WWC1: variants seen among roughly 807,000 people sequenced by gnomAD.
The protein encoded by WWC1 is protein KIBRA.
WWC1 carries 55 observed loss-of-function variants against 138.4 expected under a neutral mutation model. The ratio of observed to expected loss-of-function variants is 0.40; its 90% CI spans 0.32 to 0.50. The LOEUF is 0.50. Among genes scored for constraint, WWC1 ranks in the 20% least tolerant of loss-of-function variants. The probability of loss-of-function intolerance (pLI) is 0.72; values close to 1 mark genes in which losing one functional copy is unlikely to be tolerated. For synonymous variants in WWC1, 524 were observed against 564.9 expected (o/e 0.93, Z 1.03); for missense variants, 1,226 against 1,420.4 (o/e 0.86, Z 2.20).
chr5:168,417,785 C>T (rs957334740), intron 9 of WWC1, among the ~76,000 whole-genome samples: 4 of 152,154 alleles, frequency 2.6e-5, no homozygotes, highest in Non-Finnish European at 5.9e-5. Flanking sequence ...GGTAGGGAAA[C>T]TGGAGGGCAT....
intron 2 of WWC1, 145 bp downstream of exon 2, chr5:168,371,678 C>T (rs1776760937): frequency 8.9e-6 from 5 of 564,504 alleles, no homozygotes; most frequent in South Asian, 4.7e-5. Flanking sequence ...ATAGAAATGT[C>T]GATGTAGATA....
intron 1 of WWC1, among the ~76,000 whole-genome samples, chr5:168,314,978 C>T (rs954057238): frequency 2.0e-5 from 3 of 152,150 alleles, no homozygotes; most frequent in African/African-American, 7.2e-5. Context: ...AACACTCCCC[C>T]GCCCGTCTCA....
intron 2 of WWC1, among the ~76,000 whole-genome samples, chr5:168,377,252 T>TA (rs1228537101): frequency 6.6e-6 from 1 of 152,190 alleles, no homozygotes; most frequent in Non-Finnish European, 1.5e-5. Context: ...ACTGGACCCC[T>TA]ACCTTTTACC....
intron 1 of WWC1, among the ~76,000 whole-genome samples, chr5:168,351,826 C>T (rs1360006246): frequency 6.6e-6 from 1 of 152,170 alleles, no homozygotes; most frequent in Non-Finnish European, 1.5e-5. Context: ...CTTGTTTATC[C>T]TTGGATCCTA....
chr5:168,423,553 C>A lies in WWC1; in HGVS notation c.1295C>A (p.Ser432Tyr). ...CCCAGTCTCTCAAGCAGCATGCAGT[C>A]CCTGTCCTCAGGCAGCAGCCCCGGA... Reference protein sequence around the residue: ...QLKSLSSSMQSLSSGSSPGSL... With the variant: ...QLKSLSSSMQYLSSGSSPGSL... The change falls in exon 11 of 23, where the codon TCC becomes TAC. Residue 432 changes from serine (S) to tyrosine (Y), a missense_variant. Transcript: ENST00000265293. 1 of 1,612,856 alleles carries A rather than the reference C, an allele frequency of 6.2e-7. No individual in the cohort carries two copies. Among genetic ancestry groups the A allele is most frequent in the South Asian group, 1.1e-5 (1 of 90,850 alleles).
rs73805108 is a variant in WWC1, at chr5:168,381,088, T to C, written c.230-4123T>C. ...GTGGAAATCTCTCGGGTGATTCCAG[T>C]GTGCAACCAGTTTGAGAACCAGTTC... On this transcript the variant is annotated intron_variant, in intron 2 of 22. Transcript: ENST00000265293. 3.0e-3 allele frequency among the ~76,000 whole-genome samples: 456 copies of C among 152,256 alleles called. 5 individuals are homozygous for C. The highest frequency in any genetic ancestry group is 0.01 in the African/African-American group (429 of 41,550).
chr5:168,427,548 A>ATTTTTTT (rs34177139), intron 11 of WWC1, among the ~76,000 whole-genome samples: 166 of 101,082 alleles, frequency 1.6e-3, no homozygotes, highest in Non-Finnish European at 2.0e-3. Flanking sequence ...CTTTTTTTTA[A>ATTTTTTT]TTTTTTTTTT....
intron 15 of WWC1, 119 bp downstream of exon 15, chr5:168,431,563 A>G: frequency 8.9e-7 from 1 of 1,128,274 alleles, no homozygotes; most frequent in Middle Eastern, 2.9e-4. Flanking sequence ...GAAGGTTCGA[A>G]GGAGACGCAG....
At chr5:168,298,104 T>C (rs1439462693) in intron 1 of WWC1, among the ~76,000 whole-genome samples, 1 of 152,130 alleles carries the variant, frequency 6.6e-6, no homozygotes, top group African/African-American at 2.4e-5. Context: ...GGTGGTGCAA[T>C]CTCAGCTCAT....
At chr5:168,365,914 G>C (rs1776257426) in intron 1 of WWC1, among the ~76,000 whole-genome samples, 1 of 152,212 alleles carries the variant, frequency 6.6e-6, no homozygotes, top group Non-Finnish European at 1.5e-5. Context: ...TCGGCAGCCC[G>C]AGTTGTGGAG....
At chr5:168,403,259 G>A (rs1049032369) in intron 5 of WWC1, among the ~76,000 whole-genome samples, 8 of 151,946 alleles carry the variant, frequency 5.3e-5, no homozygotes, top group South Asian at 4.2e-4. Flanking sequence ...CACCATGCCC[G>A]GCTAATTTTT....
rs757508920 is a variant in WWC1 at position 168,423,655 on chromosome 5, A to G, written c.1397A>G (p.Tyr466Cys). The change falls in exon 11 of 23, where the codon TAC (tyrosine) becomes TGC (cysteine). Residue 466 changes from tyrosine (Y) to cysteine (C), a missense_variant. Transcript: ENST00000265293. ...SSTSASFTDL[Y>C]YDPFEQLDSE... The stretch of plus-strand genomic sequence containing the variant: ...ACTTCAGCCAGCTTCACTGACCTCT[A>G]CTATGACCCCTTTGAGCAGCTGGAC... 2 of 1,613,960 alleles carry G rather than the reference A, an allele frequency of 1.2e-6. No individual in the cohort carries two copies. Among genetic ancestry groups the G allele is most frequent in the Admixed American group, 1.7e-5 (1 of 59,994 alleles).
intron 1 of WWC1, among the ~76,000 whole-genome samples, chr5:168,353,490 C>T (rs906658668): frequency 6.6e-6 from 1 of 152,244 alleles, no homozygotes; most frequent in African/African-American, 2.4e-5. Context: ...CTTGCCAACC[C>T]TCCACCTCTC....
chr5:168,446,452 G>C (rs991407288), intron 17 of WWC1, among the ~76,000 whole-genome samples: 5 of 152,066 alleles, frequency 3.3e-5, no homozygotes, highest in African/African-American at 1.2e-4. Context: ...ATAGACGAGG[G>C]TTTGAAACTT....
chr5:168,445,706 A>G (rs1755194343), intron 17 of WWC1, among the ~76,000 whole-genome samples: 1 of 150,356 alleles, frequency 6.7e-6, no homozygotes, highest in Non-Finnish European at 1.5e-5. Context: ...TGTCTCAAAA[A>G]AAAAAAAAAA....
chr5:168,449,572 T>G (rs979241383), intron 17 of WWC1, among the ~76,000 whole-genome samples: 1,174 of 34,014 alleles, frequency 0.035, 16 homozygotes, highest in African/African-American at 0.17. Flanking sequence ...TAACAGCTCT[T>G]TTTTTTTTTT....
chr5:168,414,721 C>G, intron 9 of WWC1, 131 bp downstream of exon 9: 1 of 1,295,450 alleles, frequency 7.7e-7, no homozygotes, highest in South Asian at 1.7e-5. Flanking sequence ...GTTCAGAGAT[C>G]TCTCAGGTTG....
chr5:168,434,117 T>C (rs1260801833), intron 15 of WWC1, among the ~76,000 whole-genome samples: 2 of 152,240 alleles, frequency 1.3e-5, no homozygotes, highest in Non-Finnish European at 2.9e-5. Context: ...CCCTTGGCCC[T>C]GGGCATTCCT....
chr5:168,301,856 T>C (rs1770118235), intron 1 of WWC1, among the ~76,000 whole-genome samples: 3 of 152,122 alleles, frequency 2.0e-5, no homozygotes, highest in African/African-American at 7.2e-5. Flanking sequence ...CTAAAACCCC[T>C]GTTTCTTCCT....
Sources: allele counts gnomAD v4.1 joint callset (sites outside exome capture counted in the v4.1 genomes callset), GRCh38; gene constraint gnomAD v4.1.1; transcripts MANE v1.5; gene names NCBI Gene and HGNC (gene_info 2026-07-23, HGNC 2026-07-21).